The following ANAPC7 variants were observed in gnomAD, a reference collection of about 807,000 sequenced individuals.
ANAPC7 encodes anaphase-promoting complex subunit 7.
ANAPC7 carries 25 observed loss-of-function variants against 63.3 expected under a neutral mutation model. The observed-to-expected ratio is 0.39, with a 90% CI of 0.29 to 0.55. The LOEUF is 0.55. Among genes scored for constraint, ANAPC7 ranks in the 20% least tolerant of loss-of-function variants. The probability of loss-of-function intolerance (pLI) is 0.57; values close to 1 mark genes in which losing one functional copy is unlikely to be tolerated. For synonymous variants in ANAPC7, 241 were observed against 251.7 expected (o/e 0.96, Z 0.40); for missense variants, 516 against 691.7 (o/e 0.75, Z 2.85).
intron 8 of ANAPC7, chr12:110,378,772 C>A (rs1275290120): frequency 6.6e-6 from 1 of 152,180 alleles, no homozygotes; most frequent in East Asian, 1.9e-4. Flanking sequence ...TCTCTGCATA[C>A]TCCTCCACCC....
At chr12:110,397,197 T>TCAA (rs1304336172) in intron 1 of ANAPC7, among the ~76,000 whole-genome samples, 7 of 149,600 alleles carry the variant, frequency 4.7e-5, no homozygotes, top group East Asian at 2.0e-4. Context: ...AGACTCCGTC[T>TCAA]CAACAACAAC....
At chr12:110,400,505 T>G (rs2062212929) in intron 1 of ANAPC7, among the ~76,000 whole-genome samples, 1 of 152,158 alleles carries the variant, frequency 6.6e-6, no homozygotes, top group African/African-American at 2.4e-5. Flanking sequence ...TAACCCAATA[T>G]GAAAAAGCAT....
intron 10 of ANAPC7, among the ~76,000 whole-genome samples, chr12:110,374,949 C>A (rs1881126226): frequency 2.0e-5 from 3 of 150,710 alleles, no homozygotes; most frequent in Admixed American, 6.7e-5. Flanking sequence ...GCCTCTAGAA[C>A]ATTCATTTAT....
intron 7 of ANAPC7, 21 bp from the exon 8 acceptor site, chr12:110,381,969 A>T: frequency 6.6e-7 from 1 of 1,511,664 alleles, no homozygotes. Flanking sequence ...AAAAAAAAAA[A>T]AAAACACAAA....
intron 3 of ANAPC7, among the ~76,000 whole-genome samples, chr12:110,391,434 CA>C (rs1403632713): frequency 1.3e-5 from 2 of 152,162 alleles, no homozygotes; most frequent in Admixed American, 6.6e-5. Flanking sequence ...TATTAACAGA[CA>C]TTCATTTAGA....
At chr12:110,393,949 A>T (rs548472237) in intron 3 of ANAPC7, among the ~76,000 whole-genome samples, 5 of 148,932 alleles carry the variant, frequency 3.4e-5, no homozygotes, top group African/African-American at 9.9e-5. Context: ...GTGGCAGGCG[A>T]ATCACAAAGT....
intron 1 of ANAPC7, among the ~76,000 whole-genome samples, chr12:110,401,946 G>A (rs1386599426): frequency 1.4e-4 from 14 of 98,382 alleles, no homozygotes; most frequent in African/African-American, 6.1e-4. Flanking sequence ...GCGAGACTCC[G>A]TCTCAAAAAA....
intron 6 of ANAPC7, 134 bp from the exon 7 acceptor site, chr12:110,383,094 C>A (rs1186392913): frequency 5.0e-6 from 3 of 604,704 alleles, no homozygotes; most frequent in Non-Finnish European, 8.7e-6. Flanking sequence ...TTTCCACCAT[C>A]ACAGGCTCCT....
At chr12:110,380,664 A>C (rs1318905645) in intron 8 of ANAPC7, among the ~76,000 whole-genome samples, 3 of 139,530 alleles carry the variant, frequency 2.2e-5, no homozygotes, top group African/African-American at 8.1e-5. Flanking sequence ...AAAAAAAAAA[A>C]AAAACAGGAC....
Position 110,377,396 on chromosome 12 carries a change from G to C in ANAPC7, c.1354C>G (p.Leu452Val), listed in dbSNP as rs758133410. Reference protein sequence around the residue: ...IKAVVKKAELLSREQKYEDGI... With the variant: ...IKAVVKKAELVSREQKYEDGI... ...ACAGAAAATAAGACACACTTACTAA[G>C]TAGTTCTGCTTTTTTCACCACAGCC... The change falls in exon 9 of 11, where the codon CTT becomes GTT. Residue 452 changes from leucine to valine, a missense_variant. This residue lies in a region of ANAPC7 where 122 missense variants were observed against 212.0 expected (regional missense o/e 0.58). Transcript: ENST00000455511. 1 of 1,612,364 alleles carries C rather than the reference G, an allele frequency of 6.2e-7. No homozygotes were observed. Among genetic ancestry groups the C allele is most frequent in the East Asian group, 2.2e-5 (1 of 44,870 alleles).
intron 1 of ANAPC7, among the ~76,000 whole-genome samples, chr12:110,399,217 C>T (rs2062187559): frequency 6.6e-6 from 1 of 151,696 alleles, no homozygotes; most frequent in Non-Finnish European, 1.5e-5. Context: ...GACGGGGTTT[C>T]GCCATGTTGG....
At chr12:110,402,774 C>A (rs2062250630) in intron 1 of ANAPC7, among the ~76,000 whole-genome samples, 1 of 152,010 alleles carries the variant, frequency 6.6e-6, no homozygotes, top group Admixed American at 6.6e-5. Context: ...GTCGTTCTGT[C>A]GCCCACGGTA....
At chr12:110,398,885 C>T (rs906260566) in intron 1 of ANAPC7, among the ~76,000 whole-genome samples, 6 of 151,532 alleles carry the variant, frequency 4.0e-5, no homozygotes, top group East Asian at 2.0e-4. Context: ...GCAGAGGTTG[C>T]GGTGAGCCAA....
chr12:110,392,899 G>C (rs1340342027), intron 3 of ANAPC7, among the ~76,000 whole-genome samples: 1 of 152,062 alleles, frequency 6.6e-6, no homozygotes, highest in Non-Finnish European at 1.5e-5. Context: ...GGGTTCAAGC[G>C]ATTCTCCTGC....
intron 1 of ANAPC7, among the ~76,000 whole-genome samples, chr12:110,396,722 C>T (rs1030074885): frequency 6.6e-6 from 1 of 151,418 alleles, no homozygotes; most frequent in Non-Finnish European, 1.5e-5. Flanking sequence ...GCCATGTTAG[C>T]CAGGCTGGTC....
intron 6 of ANAPC7, among the ~76,000 whole-genome samples, chr12:110,385,707 T>C (rs184813611): frequency 6.6e-6 from 1 of 152,320 alleles, no homozygotes; most frequent in Admixed American, 6.5e-5. Context: ...TAAGACTGTT[T>C]ATTGTCACAA....
intron 8 of ANAPC7, chr12:110,377,871 A>G (rs991982700): frequency 3.7e-6 from 5 of 1,337,742 alleles, no homozygotes; most frequent in Non-Finnish European, 4.8e-6. Context: ...AAACAAGCAC[A>G]TGTAAGGAAC....
intron 6 of ANAPC7, among the ~76,000 whole-genome samples, chr12:110,385,274 CAAAT>C (rs1048636795): frequency 1.4e-4 from 21 of 152,130 alleles, no homozygotes; most frequent in Non-Finnish European, 5.9e-5. Flanking sequence ...CTCAAACAAA[CAAAT>C]AAAAAATCAC....
chr12:110,381,504 T>G (rs1881843181), intron 8 of ANAPC7, among the ~76,000 whole-genome samples: 1 of 151,978 alleles, frequency 6.6e-6, no homozygotes, highest in South Asian at 2.1e-4. Context: ...GCCCAGCTAA[T>G]TTTTGTATTT....
Sources: allele counts gnomAD v4.1 joint callset (sites outside exome capture counted in the v4.1 genomes callset), GRCh38; gene constraint gnomAD v4.1.1; regional missense constraint gnomAD v4.1.1; transcripts MANE v1.5; gene names NCBI Gene and HGNC (gene_info 2026-07-23, HGNC 2026-07-21).